ALK: variants seen among roughly 807,000 people sequenced by gnomAD.
The protein encoded by ALK is ALK tyrosine kinase receptor.
In ALK, 74 loss-of-function variants were observed where a neutral mutation model predicts 163.1. The observed-to-expected ratio is 0.45, with a 90% CI of 0.38 to 0.55. The LOEUF (loss-of-function observed/expected upper bound fraction) is 0.55. Ranked by LOEUF, ALK falls within the 20% of genes least tolerant of loss-of-function variation. ALK has a pLI of 0.00. For synonymous variants in ALK, 960 were observed against 843.2 expected, an observed-to-expected ratio of 1.14 and a Z score of -2.40; for missense variants, 2,063 against 2,105.3, an observed-to-expected ratio of 0.98 and a Z score of 0.39.
chr2:29,206,820 G>A (rs1479117606), intron 26 of ALK, among the ~76,000 whole-genome samples: 1 of 151,876 alleles, frequency 6.6e-6, no homozygotes, highest in East Asian at 1.9e-4. Context: ...TACTTTGTGA[G>A]GGGCATGTGT....
intron 3 of ALK, among the ~76,000 whole-genome samples, chr2:29,645,667 A>G (rs2148249422): frequency 6.6e-6 from 1 of 152,088 alleles, no homozygotes; most frequent in Non-Finnish European, 1.5e-5. Context: ...CTGTGCCACC[A>G]CTGCTCCTAT....
chr2:29,409,588 C>A (rs762092577), intron 4 of ALK, among the ~76,000 whole-genome samples: 1 of 152,200 alleles, frequency 6.6e-6, no homozygotes, highest in Non-Finnish European at 1.5e-5. Flanking sequence ...CTTCCTTAAT[C>A]TCCTTTAATC....
At chr2:29,350,224 C>T (rs6547920) in intron 5 of ALK, among the ~76,000 whole-genome samples, 138,276 of 152,306 alleles carry the variant, frequency 0.91, 62,821 homozygotes, top group East Asian at 1. Flanking sequence ...TGAGGTCTAT[C>T]GGGACTGGTT....
chr2:29,771,724 C>T (rs370994405), intron 1 of ALK, among the ~76,000 whole-genome samples: 18 of 152,012 alleles, frequency 1.2e-4, no homozygotes, highest in African/African-American at 2.7e-4. Flanking sequence ...TTAGTAGAGA[C>T]GGGGTTTCAC....
intron 3 of ALK, among the ~76,000 whole-genome samples, chr2:29,682,784 A>C (rs937645149): frequency 1.3e-5 from 2 of 152,218 alleles, no homozygotes; most frequent in Non-Finnish European, 2.9e-5. Context: ...ACCTTGCCTA[A>C]GAATAATTCA....
chr2:29,288,764 A>G (rs71444418), intron 9 of ALK, among the ~76,000 whole-genome samples: 21,565 of 151,712 alleles, frequency 0.14, 1,741 homozygotes, highest in African/African-American at 0.23. Context: ...AAGCCTGGCC[A>G]ACATGGTGAA....
intron 4 of ALK, among the ~76,000 whole-genome samples, chr2:29,452,234 T>G (rs928270121): frequency 3.3e-5 from 5 of 152,168 alleles, no homozygotes; most frequent in Middle Eastern, 3.2e-3. Flanking sequence ...CTGATTTCCT[T>G]TTCTCCAACA....
chr2:29,452,323 G>GTTTTT (rs1221437780), intron 4 of ALK, among the ~76,000 whole-genome samples: 6 of 79,496 alleles, frequency 7.5e-5, no homozygotes, highest in African/African-American at 3.9e-4. Context: ...TCTCACTCAA[G>GTTTTT]TTTTTTTTGT....
chr2:29,488,471 A>C (rs1181223540), intron 4 of ALK, among the ~76,000 whole-genome samples: 2 of 152,174 alleles, frequency 1.3e-5, no homozygotes, highest in Admixed American at 1.3e-4. Flanking sequence ...TATGTCAAGC[A>C]GTTTCCCTGG....
chr2:29,462,959 C>T (rs1169105922), intron 4 of ALK, among the ~76,000 whole-genome samples: 4 of 152,080 alleles, frequency 2.6e-5, no homozygotes, highest in African/African-American at 7.2e-5. Context: ...GTAACATCAT[C>T]TGAAATAATA....
intron 23 of ALK, 149 bp downstream of exon 23, chr2:29,220,557 A>T (rs2148165840): frequency 9.0e-7 from 1 of 1,110,632 alleles, no homozygotes; most frequent in Non-Finnish European, 1.3e-6. Flanking sequence ...ATTCTCTTCC[A>T]GCCAGTCAGT....
intron 3 of ALK, among the ~76,000 whole-genome samples, chr2:29,650,575 C>T (rs940585888): frequency 1.3e-5 from 2 of 152,102 alleles, no homozygotes; most frequent in African/African-American, 2.4e-5. Flanking sequence ...CCTTTAGTTT[C>T]TAACCTAATC....
chr2:29,507,611 T>C (rs1274501406), intron 4 of ALK, among the ~76,000 whole-genome samples: 2 of 152,138 alleles, frequency 1.3e-5, no homozygotes, highest in Non-Finnish European at 2.9e-5. Flanking sequence ...CAGGCCCAAA[T>C]CAGGAGGAGC....
intron 4 of ALK, among the ~76,000 whole-genome samples, chr2:29,401,264 C>T (rs1300033427): frequency 6.6e-6 from 1 of 152,186 alleles, no homozygotes; most frequent in Non-Finnish European, 1.5e-5. Context: ...TGTCCTCTTT[C>T]TGTCCTTGGT....
intron 5 of ALK, among the ~76,000 whole-genome samples, chr2:29,357,918 G>A (rs1239081776): frequency 1.3e-5 from 2 of 152,062 alleles, no homozygotes; most frequent in Non-Finnish European, 2.9e-5. Flanking sequence ...CCCTTTCCTG[G>A]GTCAAAAGTA....
chr2:29,337,707 C>G (rs999882471), intron 5 of ALK, among the ~76,000 whole-genome samples: 9 of 152,108 alleles, frequency 5.9e-5, no homozygotes, highest in African/African-American at 2.2e-4. Context: ...ATTCCAAGAC[C>G]TCCAGCACTT....
At chr2:29,749,577 C>T (rs746106106) in intron 1 of ALK, among the ~76,000 whole-genome samples, 1 of 152,078 alleles carries the variant, frequency 6.6e-6, no homozygotes, top group Non-Finnish European at 1.5e-5. Context: ...AGGCCCAAAC[C>T]CAAGGAAAGG....
intron 1 of ALK, among the ~76,000 whole-genome samples, chr2:29,790,253 T>C (rs978558589): frequency 2.0e-5 from 3 of 152,142 alleles, no homozygotes; most frequent in Admixed American, 6.5e-5. Context: ...CTTGTCAGGA[T>C]GGAGGGTGGC....
chr2:29,628,954 T>C (rs1676279731), intron 3 of ALK, among the ~76,000 whole-genome samples: 1 of 152,208 alleles, frequency 6.6e-6, no homozygotes, highest in South Asian at 2.1e-4. Flanking sequence ...CCAGTCATTC[T>C]TTCTAAAGTA....
Sources: gnomAD v4.1 joint callset for allele counts (sites outside exome capture counted in the v4.1 genomes callset) on GRCh38, gnomAD v4.1.1 for gene constraint, MANE v1.5 for transcripts, NCBI Gene and HGNC (gene_info 2026-07-23, HGNC 2026-07-21) for gene names.